Variants in OLFM3 observed in about 807,000 individuals in gnomAD.
OLFM3 encodes noelin-3.
In OLFM3, 20 loss-of-function variants were observed where a neutral mutation model predicts 48.6. The observed-to-expected ratio is 0.41, with a 90% CI of 0.29 to 0.60. OLFM3 has a LOEUF of 0.60. Ranked by LOEUF, OLFM3 falls within the 20% of genes least tolerant of loss-of-function variation. The pLI, the probability that OLFM3 is intolerant of heterozygous loss-of-function variation, is 0.28. For missense variants in OLFM3, 437 were observed against 544.3 expected (o/e 0.80, Z 1.96); for synonymous variants, 222 against 198.1 (o/e 1.12, Z -1.01).
chr1:101,880,886 C>G (rs919741596), intron 1 of OLFM3, among the ~76,000 whole-genome samples: 2 of 151,780 alleles, frequency 1.3e-5, no homozygotes, highest in Non-Finnish European at 2.9e-5. Context: ...ATCAAAGCTC[C>G]TCTTGGGGAA....
chr1:101,901,560 G>T (rs1658386853), intron 1 of OLFM3, among the ~76,000 whole-genome samples: 1 of 151,984 alleles, frequency 6.6e-6, no homozygotes. Flanking sequence ...AACGTAAAAT[G>T]GAAAAGGAAG....
intron 1 of OLFM3, among the ~76,000 whole-genome samples, chr1:101,890,499 T>G (rs1657949697): frequency 6.6e-6 from 1 of 151,972 alleles, no homozygotes; most frequent in African/African-American, 2.4e-5. Context: ...TTTTTATAAG[T>G]GTCATTGGTT....
intron 1 of OLFM3, among the ~76,000 whole-genome samples, chr1:101,957,178 A>G (rs982222067): frequency 5.9e-5 from 9 of 151,978 alleles, no homozygotes; most frequent in Admixed American, 4.6e-4. Flanking sequence ...ATGGTTTTAA[A>G]GACATCATTT....
chr1:101,991,287 A>G (rs1414421581), intron 1 of OLFM3, among the ~76,000 whole-genome samples: 1 of 152,030 alleles, frequency 6.6e-6, no homozygotes, highest in African/African-American at 2.4e-5. Context: ...CACATAACCT[A>G]CCAAGACAAC....
At chr1:101,973,465 A>G (rs1349255225) in intron 1 of OLFM3, among the ~76,000 whole-genome samples, 2 of 152,202 alleles carry the variant, frequency 1.3e-5, no homozygotes, top group African/African-American at 4.8e-5. Flanking sequence ...TACTGATTTA[A>G]ATATTAAACT....
intron 1 of OLFM3, among the ~76,000 whole-genome samples, chr1:101,891,008 T>A (rs984013975): frequency 6.6e-6 from 1 of 151,930 alleles, no homozygotes; most frequent in Non-Finnish European, 1.5e-5. Context: ...ATTTAGATAA[T>A]CTGGGAATTC....
rs1212724267 is a variant in OLFM3, at chr1:101,804,700, T to C, written c.915A>G (p.Gln305=). 3 of 1,612,702 alleles carry C rather than the reference T, an allele frequency of 1.9e-6. No individual in the cohort carries two copies. The highest frequency in any genetic ancestry group is 1.1e-5 in the South Asian group (1 of 91,058). Residue 305 remains glutamine, a synonymous_variant, in exon 6 of 6, where the codon CAA becomes CAG. Transcript: ENST00000370103. The surrounding 1 kb of genome is among the most constrained non-coding windows in gnomAD (Gnocchi z 4.5). ...YSFDMGRVLA[Q]RSLEYAGFHN... is the part of the protein sequence containing the mutation. ...GAAAACCAGCATACTCCAGGCTTCG[T>C]TGGGCAAGCACTCTCCCCATATCAA... is the stretch of plus-strand genomic sequence containing the variant.
At chr1:101,888,139 G>GA (rs1324866441) in intron 1 of OLFM3, among the ~76,000 whole-genome samples, 1 of 151,998 alleles carries the variant, frequency 6.6e-6, no homozygotes, top group Non-Finnish European at 1.5e-5. Context: ...CACAGAATTG[G>GA]AAAAAACTAC....
intron 1 of OLFM3, among the ~76,000 whole-genome samples, chr1:101,883,663 CCTGT>C (rs1209740659): frequency 6.6e-6 from 1 of 151,886 alleles, no homozygotes; most frequent in Admixed American, 6.6e-5. Context: ...AGTATAATTA[CCTGT>C]CTTTCTCTTT....
chr1:101,976,683 C>T (rs1660962872), intron 1 of OLFM3, among the ~76,000 whole-genome samples: 1 of 152,132 alleles, frequency 6.6e-6, no homozygotes, highest in Non-Finnish European at 1.5e-5. Context: ...CAAGATTCTA[C>T]TGCTAATAAG....
intron 1 of OLFM3, among the ~76,000 whole-genome samples, chr1:101,855,428 A>T (rs1277498833): frequency 6.6e-6 from 1 of 152,104 alleles, no homozygotes; most frequent in African/African-American, 2.4e-5. Flanking sequence ...TAGTTATGCT[A>T]TCTCACTGTG....
intron 1 of OLFM3, among the ~76,000 whole-genome samples, chr1:101,885,990 C>A (rs1435977181): frequency 2.0e-5 from 3 of 151,986 alleles, no homozygotes; most frequent in African/African-American, 7.2e-5. Flanking sequence ...ATATTAGTGA[C>A]AAAGGAAGAA....
At chr1:101,973,332 G>T (rs188535302) in intron 1 of OLFM3, among the ~76,000 whole-genome samples, 4 of 152,314 alleles carry the variant, frequency 2.6e-5, no homozygotes, top group Non-Finnish European at 4.4e-5. Flanking sequence ...AGGCAGGAGA[G>T]CATAGATGTT....
chr1:101,860,991 T>C (rs969122700), intron 1 of OLFM3, among the ~76,000 whole-genome samples: 10 of 152,112 alleles, frequency 6.6e-5, no homozygotes, highest in Admixed American at 3.3e-4. Flanking sequence ...CGGATCCTAC[T>C]AACTACATGC....
At chr1:101,995,084 A>G (rs1166043031) in intron 1 of OLFM3, among the ~76,000 whole-genome samples, 1 of 152,124 alleles carries the variant, frequency 6.6e-6, no homozygotes, top group Admixed American at 6.5e-5. Context: ...TGCATCAAAG[A>G]TAACAGACAA....
At chr1:101,957,235 T>C (rs1042434027) in intron 1 of OLFM3, among the ~76,000 whole-genome samples, 4 of 152,028 alleles carry the variant, frequency 2.6e-5, no homozygotes, top group Admixed American at 2.6e-4. Context: ...TTGGAGTCAG[T>C]CTCATATCTA....
intron 1 of OLFM3, among the ~76,000 whole-genome samples, chr1:101,914,415 C>T (rs925962374): frequency 5.3e-5 from 8 of 152,204 alleles, no homozygotes; most frequent in Non-Finnish European, 8.8e-5. Context: ...TGCTAATACT[C>T]TGTTGCCTCA....
intron 1 of OLFM3, among the ~76,000 whole-genome samples, chr1:101,850,266 C>T (rs961671345): frequency 6.6e-6 from 1 of 152,140 alleles, no homozygotes; most frequent in Admixed American, 6.5e-5. Flanking sequence ...ACTATATAAC[C>T]TACAATTGTG....
intron 1 of OLFM3, among the ~76,000 whole-genome samples, chr1:101,950,405 C>G (rs1423503067): frequency 1.3e-5 from 2 of 151,954 alleles, no homozygotes; most frequent in Non-Finnish European, 2.9e-5. Flanking sequence ...CACCTTACCA[C>G]ACCCATATTA....
Sources: allele counts gnomAD v4.1 joint callset (sites outside exome capture counted in the v4.1 genomes callset), GRCh38; gene constraint gnomAD v4.1.1; non-coding constraint Gnocchi (gnomAD v3.1); transcripts MANE v1.5; gene names NCBI Gene and HGNC (gene_info 2026-07-23, HGNC 2026-07-21).